VWA8: variants seen among roughly 807,000 people sequenced by gnomAD.
VWA8 encodes von Willebrand factor A domain-containing protein 8.
In VWA8, 221 loss-of-function variants were observed where a neutral mutation model predicts 241.5. That is an observed-to-expected ratio of 0.91 (90% CI 0.82 to 1.02). The LOEUF (loss-of-function observed/expected upper bound fraction) is 1.02. Among genes scored for constraint, VWA8 ranks in the 50% least tolerant of loss-of-function variants. The pLI, the probability that VWA8 is intolerant of heterozygous loss-of-function variation, is 0.00. For missense variants in VWA8, 2,322 were observed against 2,328.7 expected, an observed-to-expected ratio of 1.00 and a Z score of 0.06; for synonymous variants, 852 against 827.1, an observed-to-expected ratio of 1.03 and a Z score of -0.52.
chr13:41,647,685 A>G (rs980259027), intron 37 of VWA8, among the ~76,000 whole-genome samples: 1 of 152,178 alleles, frequency 6.6e-6, no homozygotes, highest in Non-Finnish European at 1.5e-5. Context: ...ATAAATATAC[A>G]TCGCTAAAAG....
At chr13:41,570,937 C>T (rs1468154141) in intron 43 of VWA8, among the ~76,000 whole-genome samples, 1 of 152,132 alleles carries the variant, frequency 6.6e-6, no homozygotes, top group Non-Finnish European at 1.5e-5. Flanking sequence ...CCAAAATTAT[C>T]ACAGTGGGCA....
At chr13:41,578,961 A>C (rs781297505) in intron 42 of VWA8, among the ~76,000 whole-genome samples, 4 of 152,210 alleles carry the variant, frequency 2.6e-5, no homozygotes, top group Non-Finnish European at 5.9e-5. Flanking sequence ...ATTTAGAGAA[A>C]AGTATAACAA....
intron 12 of VWA8, among the ~76,000 whole-genome samples, chr13:41,860,897 G>A (rs1438140602): frequency 6.6e-6 from 1 of 152,034 alleles, no homozygotes; most frequent in Non-Finnish European, 1.5e-5. Context: ...AAACAGTACT[G>A]TTTGGAAAAA....
At chr13:41,590,796 C>CT (rs1450445139) in intron 40 of VWA8, 31 bp from the exon 41 acceptor site, 1 of 1,610,064 alleles carries the variant, frequency 6.2e-7, no homozygotes, top group South Asian at 1.1e-5. Flanking sequence ...CACACAAAGC[C>CT]TTAATTAGTT....
chr13:41,894,289 C>G (rs1331352182), intron 4 of VWA8, among the ~76,000 whole-genome samples: 1 of 152,198 alleles, frequency 6.6e-6, no homozygotes, highest in Non-Finnish European at 1.5e-5. Flanking sequence ...GAATTCAGAA[C>G]AAGCTATGCA....
At chr13:41,915,365 C>T (rs9525553) in intron 2 of VWA8, among the ~76,000 whole-genome samples, 34,487 of 152,126 alleles carry the variant, frequency 0.23, 3,985 homozygotes, top group East Asian at 0.29. Flanking sequence ...GACCATACTG[C>T]TACCATTCTA....
rs2045444297 is a variant in VWA8, at chr13:41,727,271, T to C, written c.2681A>G (p.His894Arg). The change falls in exon 24 of 45, where the codon CAT becomes CGT. Residue 894 changes from histidine (H) to arginine (R), a missense_variant. Coordinates refer to ENST00000379310, the MANE Select transcript of VWA8 (RefSeq NM_015058.2). ...VNGRENVVVIHPDFRMIVLAN... is the reference protein window; with the variant it reads ...VNGRENVVVIRPDFRMIVLAN... The stretch of plus-strand genomic sequence containing the variant: ...CAGAACAATCATCCTAAAATCAGGA[T>C]GAATCACTACAACATTTTCTCTTCC... 3.8e-6 allele frequency: 6 copies of C among 1,561,174 alleles called. No homozygotes were observed. The highest frequency in any genetic ancestry group is 5.2e-6 in the Non-Finnish European group (6 of 1,151,738).
At chr13:41,807,457 C>A (rs961516216) in intron 17 of VWA8, among the ~76,000 whole-genome samples, 4 of 152,106 alleles carry the variant, frequency 2.6e-5, no homozygotes, top group Non-Finnish European at 5.9e-5. Context: ...TAGTAGCAAG[C>A]CAAACTCAAC....
chr13:41,737,818 T>A (rs187879567), intron 21 of VWA8, among the ~76,000 whole-genome samples: 3 of 152,016 alleles, frequency 2.0e-5, no homozygotes, highest in African/African-American at 7.2e-5. Context: ...ACATTTTTTT[T>A]CCCCACACAA....
Position 41,570,502 on chromosome 13 carries a change from TG to T in VWA8, c.5574del (p.Ile1859PhefsTer6). The T allele has an allele frequency of 6.2e-7, 1 of 1,614,186 alleles. No individual in the cohort carries two copies. The highest frequency in any genetic ancestry group is 8.5e-7 in the Non-Finnish European group (1 of 1,180,010). ...LTRDPQVNAF[A>X]IFIGSLGDQA... ...TGATCACCTAAAGAGCCAATAAAAA[TG>T]GCAAAAGCATTTACTTGAGGGTCTC... On this transcript the variant is annotated frameshift_variant, in exon 44 of 45. Coordinates refer to ENST00000379310, the MANE Select transcript of VWA8 (RefSeq NM_015058.2). LOFTEE classifies it high-confidence loss of function.
At chr13:41,784,727 T>TATATATATATATAC (rs1555335045) in intron 18 of VWA8, among the ~76,000 whole-genome samples, 1,337 of 68,568 alleles carry the variant, frequency 0.019, 64 homozygotes, top group Non-Finnish European at 0.031. Context: ...TATATATATA[T>TATATATATATATAC]ATACACACAC....
Position 41,685,192 on chromosome 13 carries a change from TC to T in VWA8, c.4181del (p.Arg1394GlnfsTer24). ...SWKRPSSLHK[R>X]SGTDTSFYRG... The stretch of plus-strand genomic sequence containing the variant: ...TATAGAATGATGTATCAGTGCCACT[TC>T]GTTTATGCAAAGATGATGGTCTCTT... On this transcript the variant is annotated frameshift_variant, in exon 35 of 45. Transcript: ENST00000379310. LOFTEE classifies it high-confidence loss of function. The T allele has an allele frequency of 6.2e-7, 1 of 1,613,434 alleles. No homozygotes were observed. Among genetic ancestry groups the T allele is most frequent in the Middle Eastern group, 1.7e-4 (1 of 6,048 alleles).
intron 14 of VWA8, among the ~76,000 whole-genome samples, chr13:41,824,849 G>A (rs548036659): frequency 1.4e-5 from 2 of 142,932 alleles, no homozygotes; most frequent in Admixed American, 7.0e-5. Context: ...AAAAAAAAAA[G>A]AAAAGAAGGG....
chr13:41,931,155 A>G (rs963560750), intron 2 of VWA8, among the ~76,000 whole-genome samples: 31 of 144,962 alleles, frequency 2.1e-4, no homozygotes, highest in African/African-American at 7.3e-4. Flanking sequence ...TCTCAGGGGA[A>G]AAAAAAAAAA....
chr13:41,711,646 G>A (rs1388012614), intron 26 of VWA8, among the ~76,000 whole-genome samples: 1 of 152,208 alleles, frequency 6.6e-6, no homozygotes, highest in Non-Finnish European at 1.5e-5. Context: ...AGGCCAAGGC[G>A]GGCAGATCAC....
At chr13:41,929,130 A>G (rs1375332676) in intron 2 of VWA8, among the ~76,000 whole-genome samples, 1 of 151,866 alleles carries the variant, frequency 6.6e-6, no homozygotes, top group Non-Finnish European at 1.5e-5. Flanking sequence ...AAACTTGGAA[A>G]CATCACACTT....
intron 37 of VWA8, among the ~76,000 whole-genome samples, chr13:41,657,628 T>C (rs1013839210): frequency 6.6e-6 from 1 of 152,054 alleles, no homozygotes; most frequent in African/African-American, 2.4e-5. Context: ...TAGCTGGGAC[T>C]ACAGGCGCCC....
At chr13:41,650,832 C>G (rs924209625) in intron 37 of VWA8, among the ~76,000 whole-genome samples, 2 of 152,016 alleles carry the variant, frequency 1.3e-5, no homozygotes, top group Non-Finnish European at 2.9e-5. Context: ...AGGCTGCATC[C>G]AAGGAGGGCT....
At chr13:41,910,669 A>T (rs1202265723) in intron 3 of VWA8, among the ~76,000 whole-genome samples, 1 of 152,090 alleles carries the variant, frequency 6.6e-6, no homozygotes. Context: ...TAGATAAGAC[A>T]CTTTTACCTT....
Sources: allele counts gnomAD v4.1 joint callset (sites outside exome capture counted in the v4.1 genomes callset), GRCh38; gene constraint gnomAD v4.1.1; transcripts MANE v1.5; gene names NCBI Gene and HGNC (gene_info 2026-07-23, HGNC 2026-07-21).